KATNIP: variants seen among roughly 807,000 people sequenced by gnomAD.
KATNIP encodes katanin-interacting protein.
In KATNIP, 126 loss-of-function variants were observed where a neutral mutation model predicts 174.0. The ratio of observed to expected loss-of-function variants is 0.72; its 90% CI spans 0.63 to 0.84. The LOEUF (loss-of-function observed/expected upper bound fraction) is 0.84, where lower values mean the gene tolerates loss of function less well. Ranked by LOEUF, KATNIP falls within the 40% of genes least tolerant of loss-of-function variation. The pLI is 0.00. For missense variants in KATNIP, 1,958 were observed against 2,109.7 expected, an observed-to-expected ratio of 0.93 and a Z score of 1.41; for synonymous variants, 810 against 835.7, an observed-to-expected ratio of 0.97 and a Z score of 0.53.
chr16:27,703,837 T>G (rs2079194229), intron 11 of KATNIP, 59 bp from the exon 12 acceptor site: 1 of 1,263,368 alleles, frequency 7.9e-7, no homozygotes, highest in Admixed American at 1.7e-5. Context: ...TTGATTGGAA[T>G]GTTCTCTTTT....
chr16:27,609,827 G>C (rs951012913), intron 2 of KATNIP, among the ~76,000 whole-genome samples: 5 of 152,052 alleles, frequency 3.3e-5, no homozygotes, highest in Non-Finnish European at 5.9e-5. Context: ...GTGTAGCTGG[G>C]ATTACAAGCA....
At chr16:27,656,440 A>AG (rs2077289566) in intron 6 of KATNIP, among the ~76,000 whole-genome samples, 1 of 149,240 alleles carries the variant, frequency 6.7e-6, no homozygotes, top group African/African-American at 2.5e-5. Context: ...AAAAAAAAAA[A>AG]GGAAGAAAAA....
At chr16:27,650,458 A>T (rs183613545) in intron 6 of KATNIP, among the ~76,000 whole-genome samples, 2 of 152,356 alleles carry the variant, frequency 1.3e-5, no homozygotes, top group African/African-American at 4.8e-5. Flanking sequence ...AAAATTATCC[A>T]GAGGTGGTAG....
intron 6 of KATNIP, 134 bp from the exon 7 acceptor site, chr16:27,677,595 T>A: frequency 2.2e-6 from 2 of 915,828 alleles, no homozygotes; most frequent in Non-Finnish European, 3.2e-6. Flanking sequence ...AGCAGTGACA[T>A]CACAAGGGTT....
In KATNIP at chr16:27,699,516, G is replaced by A. The variant is rs570712196; in HGVS notation, c.1114-18G>A. 7 of 1,613,920 alleles carry A rather than the reference G, an allele frequency of 4.3e-6. No homozygotes were observed. In the African/African-American group the frequency reaches 8.0e-5, roughly 18 times the overall value. On this transcript the variant is annotated intron_variant, in intron 9 of 27. Coordinates refer to ENST00000261588, the MANE Select transcript of KATNIP (RefSeq NM_015202.5). ...TGGCTTTGTTCCAACATCACATCAT[G>A]TGATCACATCCTTCCAGGATGCAGA...
At chr16:27,569,043 A>G (rs2090190258) in intron 1 of KATNIP, among the ~76,000 whole-genome samples, 1 of 152,202 alleles carries the variant, frequency 6.6e-6, no homozygotes, top group Non-Finnish European at 1.5e-5. Flanking sequence ...TATTCTGCAT[A>G]TATATTTTTA....
At chr16:27,706,453 G>A (rs1386537680) in intron 12 of KATNIP, among the ~76,000 whole-genome samples, 1 of 152,138 alleles carries the variant, frequency 6.6e-6, no homozygotes. Flanking sequence ...TGAGAAAAGA[G>A]ACGCCGTGGC....
intron 20 of KATNIP, 80 bp downstream of exon 20, chr16:27,766,554 A>T: frequency 1.4e-6 from 2 of 1,414,092 alleles, no homozygotes; most frequent in Non-Finnish European, 1.9e-6. Flanking sequence ...TGGCAGCCAG[A>T]GAGGAGCATA....
chr16:27,698,002 C>G (rs2078974487), intron 8 of KATNIP, among the ~76,000 whole-genome samples: 1 of 152,172 alleles, frequency 6.6e-6, no homozygotes, highest in Non-Finnish European at 1.5e-5. Flanking sequence ...AGTACACTAA[C>G]AAAATTCAGG....
At chr16:27,661,613 G>A (rs761406960) in intron 6 of KATNIP, among the ~76,000 whole-genome samples, 7 of 151,430 alleles carry the variant, frequency 4.6e-5, no homozygotes, top group Admixed American at 1.3e-4. Context: ...GGCTGGTCTC[G>A]AACTCCTGAC....
At chr16:27,770,495 C>T (rs1209297190) in intron 21 of KATNIP, among the ~76,000 whole-genome samples, 1 of 152,208 alleles carries the variant, frequency 6.6e-6, no homozygotes, top group Non-Finnish European at 1.5e-5. Flanking sequence ...TCATTGAAAC[C>T]CCCTGATGTC....
At chr16:27,564,271 A>T (rs2090002790) in intron 1 of KATNIP, among the ~76,000 whole-genome samples, 1 of 152,172 alleles carries the variant, frequency 6.6e-6, no homozygotes, top group Non-Finnish European at 1.5e-5. Context: ...TTTTACATGT[A>T]GTGCCTTAAC....
At chr16:27,681,107 C>T (rs1350817408) in intron 7 of KATNIP, 5 of 334,592 alleles carry the variant, frequency 1.5e-5, no homozygotes, top group African/African-American at 8.5e-5. Context: ...ACCGGGATTA[C>T]AGGTGTGAGC....
chr16:27,732,367 G>A (rs376779055), intron 14 of KATNIP, among the ~76,000 whole-genome samples: 1 of 152,166 alleles, frequency 6.6e-6, no homozygotes, highest in African/African-American at 2.4e-5. Flanking sequence ...CAAGGGACAC[G>A]TAAAAGACCA....
intron 6 of KATNIP, among the ~76,000 whole-genome samples, chr16:27,676,687 A>ATGTGTG (rs142495413): frequency 1.3e-5 from 2 of 149,234 alleles, no homozygotes; most frequent in Admixed American, 6.7e-5. Context: ...ATATGTGTGC[A>ATGTGTG]TGTGTGTGTG....
At chr16:27,762,694 C>G (rs1440723634) in intron 19 of KATNIP, among the ~76,000 whole-genome samples, 1 of 152,190 alleles carries the variant, frequency 6.6e-6, no homozygotes, top group Non-Finnish European at 1.5e-5. Flanking sequence ...AGGCTTCTCC[C>G]TGCTTTTCTA....
intron 2 of KATNIP, among the ~76,000 whole-genome samples, chr16:27,603,262 G>A (rs1329977355): frequency 6.6e-6 from 1 of 152,212 alleles, no homozygotes; most frequent in African/African-American, 2.4e-5. Flanking sequence ...GATTTTAGCA[G>A]AACTCAGGCC....
chr16:27,567,748 G>A (rs992715587), intron 1 of KATNIP, among the ~76,000 whole-genome samples: 5 of 152,026 alleles, frequency 3.3e-5, no homozygotes, highest in Admixed American at 1.3e-4. Context: ...GGCTAGTCTC[G>A]AACTCTTGAC....
chr16:27,702,125 C>G (rs370720157), intron 11 of KATNIP, among the ~76,000 whole-genome samples: 179 of 152,342 alleles, frequency 1.2e-3, no homozygotes, highest in African/African-American at 4.1e-3. Context: ...CTGTCTCCCC[C>G]ACCAGCCCTA....
Sources: allele counts gnomAD v4.1 joint callset (sites outside exome capture counted in the v4.1 genomes callset), GRCh38; gene constraint gnomAD v4.1.1; transcripts MANE v1.5; gene names NCBI Gene and HGNC (gene_info 2026-07-23, HGNC 2026-07-21).